PLAAT3: variants seen among roughly 807,000 people sequenced by gnomAD.
PLAAT3 encodes phospholipase A and acyltransferase 3.
In PLAAT3, 21 loss-of-function variants were observed where a neutral mutation model predicts 16.7. That is an observed-to-expected ratio of 1.26 (90% CI 0.89 to 1.81). The LOEUF (loss-of-function observed/expected upper bound fraction) is 1.81, where lower values mean the gene tolerates loss of function less well. Ranked by LOEUF, PLAAT3 falls within the 40% of genes most tolerant of loss-of-function variation. PLAAT3 has a pLI of 0.00. For synonymous variants in PLAAT3, 76 were observed against 81.7 expected, an observed-to-expected ratio of 0.93 and a Z score of 0.38; for missense variants, 219 against 213.7, an observed-to-expected ratio of 1.02 and a Z score of -0.16.
At chr11:63,611,168 C>T (rs766447236) in intron 2 of PLAAT3, among the ~76,000 whole-genome samples, 8 of 152,088 alleles carry the variant, frequency 5.3e-5, no homozygotes, top group South Asian at 2.1e-4. Context: ...AGTGCACTGG[C>T]GCAATCTCGG....
At chr11:63,615,026 ATGTGTG>A (rs1194487803), upstream of PLAAT3, among the ~76,000 whole-genome samples, 161 of 14,138 alleles carry the variant, frequency 0.011, 36 homozygotes, top group East Asian at 0.17. Flanking sequence ...AAATATATAT[ATGTGTG>A]TATATATATG....
At chr11:63,590,503 T>C (rs759022468) in intron 3 of PLAAT3, 135 bp from the exon 4 acceptor site, 3 of 691,724 alleles carry the variant, frequency 4.3e-6, no homozygotes, top group Non-Finnish European at 7.3e-6. Context: ...GTCAGACGCA[T>C]GGCTGTGGGC....
At position 63,614,005 on chromosome 11, in the gene PLAAT3, G is replaced by A. The variant is rs1454485114; in HGVS notation, c.10C>T (p.Pro4Ser). 4.4e-6 allele frequency: 7 copies of A among 1,607,212 alleles called. No individual in the cohort carries two copies. Among genetic ancestry groups the A allele is most frequent in the African/African-American group, 1.3e-5 (1 of 74,872 alleles). The change falls in exon 2 of 5, where the codon CCC (proline) becomes TCC (serine). Residue 4 changes from proline (P) to serine (S), a missense_variant. Coordinates refer to ENST00000415826, the MANE Select transcript of PLAAT3 (RefSeq NM_001128203.2). The stretch of plus-strand genomic sequence containing the variant: ...CCGCCTCGCCCCGCACTTACAATGG[G>A]CGCACGCATCTTCCCTCGCGGTGTG... Reference protein sequence around the residue: MRAPIPEPKPGDLI... With the variant: MRASIPEPKPGDLI...
intron 2 of PLAAT3, among the ~76,000 whole-genome samples, chr11:63,604,024 T>A (rs1938497406): frequency 6.6e-6 from 1 of 152,156 alleles, no homozygotes; most frequent in Non-Finnish European, 1.5e-5. Context: ...TAGTGGCACA[T>A]GCCTGGAGTC....
intron 4 of PLAAT3, among the ~76,000 whole-genome samples, chr11:63,578,037 C>G (rs962576535): frequency 6.6e-6 from 1 of 152,110 alleles, no homozygotes; most frequent in Admixed American, 6.5e-5. Context: ...AATCCCAGCA[C>G]TTTGGGAGGC....
chr11:63,600,670 T>A (rs1309689376), intron 2 of PLAAT3, among the ~76,000 whole-genome samples: 1 of 152,038 alleles, frequency 6.6e-6, no homozygotes, highest in African/African-American at 2.4e-5. Context: ...TGGTGCGATC[T>A]CGGCTCACTG....
At chr11:63,594,388 CAA>C (rs1225491490) in intron 3 of PLAAT3, among the ~76,000 whole-genome samples, 2 of 151,984 alleles carry the variant, frequency 1.3e-5, no homozygotes, top group Non-Finnish European at 1.5e-5. Context: ...GGAGCCCACA[CAA>C]GAGACCAAAA....
intron 4 of PLAAT3, among the ~76,000 whole-genome samples, chr11:63,581,689 C>T (rs1937820085): frequency 6.6e-6 from 1 of 152,204 alleles, no homozygotes; most frequent in African/African-American, 2.4e-5. Flanking sequence ...CGCCCTCTCC[C>T]CTTTTAAAAT....
At chr11:63,591,497 T>A (rs1938152242) in intron 3 of PLAAT3, among the ~76,000 whole-genome samples, 2 of 152,220 alleles carry the variant, frequency 1.3e-5, no homozygotes, top group African/African-American at 4.8e-5. Context: ...TGTGACCCTG[T>A]CAGGGTCAAG....
At chr11:63,595,308 A>G (rs2134414574) in intron 3 of PLAAT3, among the ~76,000 whole-genome samples, 1 of 151,412 alleles carries the variant, frequency 6.6e-6, no homozygotes, top group Admixed American at 6.6e-5. Flanking sequence ...AAAAAAAAAA[A>G]AAAAGAGTGT....
At chr11:63,613,969 C>G in intron 2 of PLAAT3, 31 bp downstream of exon 2, 2 of 1,400,786 alleles carry the variant, frequency 1.4e-6, no homozygotes, top group Non-Finnish European at 2.0e-6. Flanking sequence ...GGCTCCCAGC[C>G]CCGCCCAGCC....
At chr11:63,612,294 G>C (rs1590702737) in intron 2 of PLAAT3, among the ~76,000 whole-genome samples, 1 of 152,242 alleles carries the variant, frequency 6.6e-6, no homozygotes, top group East Asian at 1.9e-4. Context: ...TTACAGTAAT[G>C]AATCACTGCA....
At chr11:63,594,565 A>T (rs1289054296) in intron 3 of PLAAT3, among the ~76,000 whole-genome samples, 1 of 152,018 alleles carries the variant, frequency 6.6e-6, no homozygotes, top group African/African-American at 2.4e-5. Context: ...CTGCTCTGTC[A>T]GGGGGGCAAA....
upstream of PLAAT3, among the ~76,000 whole-genome samples, chr11:63,615,108 G>GTGTGTATATA (rs1565259683): frequency 2.1e-3 from 130 of 63,224 alleles, 5 homozygotes; most frequent in South Asian, 6.2e-3. Context: ...GTGTATATAT[G>GTGTGTATATA]TGTGTATATA....
At chr11:63,605,240 C>G (rs78360708) in intron 2 of PLAAT3, among the ~76,000 whole-genome samples, 4 of 151,454 alleles carry the variant, frequency 2.6e-5, no homozygotes, top group African/African-American at 4.8e-5. Flanking sequence ...ATTAAAAATA[C>G]AAAAAAAATG....
upstream of PLAAT3, among the ~76,000 whole-genome samples, chr11:63,615,352 A>G (rs369542987): frequency 9.2e-4 from 61 of 66,340 alleles, 16 homozygotes; most frequent in African/African-American, 1.7e-3. Context: ...ATATGTGTGT[A>G]TATATATGTG....
At position 63,590,098 on chromosome 11, in the gene PLAAT3, A is replaced by G. The variant is rs756416038; in HGVS notation, c.387+2T>C. On this transcript the variant is annotated splice_donor_variant, in intron 4 of 4. Coordinates refer to ENST00000415826, the MANE Select transcript of PLAAT3 (RefSeq NM_001128203.2). LOFTEE classifies it high-confidence loss of function. ...GGAAGGCGACACAGGCAGAGGACGC[A>G]CCTGGTCACTGCGGGCGACTCCATA... 2.5e-6 allele frequency: 4 copies of G among 1,612,754 alleles called. No individual in the cohort carries two copies. The highest frequency in any genetic ancestry group is 3.4e-4 in the Middle Eastern group (2 of 5,858).
At chr11:63,613,972 G>T in intron 2 of PLAAT3, 28 bp downstream of exon 2, 3 of 932,342 alleles carry the variant, frequency 3.2e-6, no homozygotes, top group Non-Finnish European at 5.4e-6. Flanking sequence ...TCCCAGCCCC[G>T]CCCAGCCCCG....
intron 4 of PLAAT3, among the ~76,000 whole-genome samples, chr11:63,588,173 G>C (rs183974628): frequency 8.7e-4 from 133 of 152,152 alleles, no homozygotes; most frequent in African/African-American, 3.1e-3. Context: ...GGATTCAAGT[G>C]ATTCTCTTGC....
Sources: gnomAD v4.1 joint callset for allele counts (sites outside exome capture counted in the v4.1 genomes callset) on GRCh38, gnomAD v4.1.1 for gene constraint, MANE v1.5 for transcripts, NCBI Gene and HGNC (gene_info 2026-07-23, HGNC 2026-07-21) for gene names.